Variants in FER1L5 observed in about 807,000 individuals in gnomAD.
FER1L5 encodes the protein fer-1-like protein 5.
A neutral mutation model predicts 279.9 loss-of-function variants in FER1L5; 187 were observed. The ratio of observed to expected loss-of-function variants is 0.67; its 90% CI spans 0.59 to 0.75. The LOEUF (loss-of-function observed/expected upper bound fraction) is 0.75. Ranked by LOEUF, FER1L5 falls within the 30% of genes least tolerant of loss-of-function variation. The pLI, the probability that FER1L5 is intolerant of heterozygous loss-of-function variation, is 0.00. For synonymous variants in FER1L5, 921 were observed against 989.7 expected (o/e 0.93, Z 1.30); for missense variants, 2,091 against 2,594.4 (o/e 0.81, Z 4.21).
chr2:96,699,036 T>C lies in FER1L5; in HGVS notation c.4519-9T>C, dbSNP rs76463364. On this transcript the variant is annotated splice_polypyrimidine_tract_variant and intron_variant, in intron 41 of 52. Transcript: ENST00000624922. ...TTCCTATCCTTCCCCCACTTGTATC[T>C]GACCCCAGTGTGACCCTTATGTGAT... 2,435 of 1,604,736 alleles carry C rather than the reference T, an allele frequency of 1.5e-3. 52 individuals carry two copies. The East Asian group carries it at 0.048, about 32-fold the overall frequency.
At chr2:96,654,657 T>C (rs2075521796) in intron 9 of FER1L5, 161 bp downstream of exon 9, 1 of 368,610 alleles carries the variant, frequency 2.7e-6, no homozygotes, top group Non-Finnish European at 4.8e-6. Context: ...CCCAGCACTT[T>C]GGGAGGCCGA....
intron 4 of FER1L5, 96 bp from the exon 5 acceptor site, chr2:96,649,527 G>T: frequency 8.7e-7 from 1 of 1,148,092 alleles, no homozygotes; most frequent in Non-Finnish European, 1.3e-6. Flanking sequence ...CCACCAGGAG[G>T]ACCAGGTGTG....
rs764234083 is a variant in FER1L5 at position 96,646,464 on chromosome 2, G to C, written c.138+11G>C. ...CCCGTGTGGAATGAGGTAGACAACA[G>C]GGCAAGCCCAGAAGAGGAAATAACA... On this transcript the variant is annotated intron_variant, in intron 2 of 52. Transcript: ENST00000624922. 6.4e-7 allele frequency: 1 copy of C among 1,551,704 alleles called. No individual in the cohort carries two copies. The highest frequency in any genetic ancestry group is 1.2e-5 in the South Asian group (1 of 84,056).
At chr2:96,646,642 C>A (rs2075143350) in intron 2 of FER1L5, among the ~76,000 whole-genome samples, 189 bp downstream of exon 2, 1 of 152,146 alleles carries the variant, frequency 6.6e-6, no homozygotes, top group African/African-American at 2.4e-5. Context: ...GCCACACCTG[C>A]CCACGACTGT....
intron 19 of FER1L5, among the ~76,000 whole-genome samples, chr2:96,676,011 T>C (rs1457948090): frequency 6.6e-6 from 1 of 152,332 alleles, no homozygotes; most frequent in East Asian, 1.9e-4. Flanking sequence ...CTCCTCTGTT[T>C]CATTCTACAA....
chr2:96,643,644 C>G, intron 1 of FER1L5, among the ~76,000 whole-genome samples: 1 of 152,070 alleles, frequency 6.6e-6, no homozygotes, highest in East Asian at 1.9e-4. Flanking sequence ...GCCACCGCGC[C>G]CAGCCTACAA....
intron 9 of FER1L5, among the ~76,000 whole-genome samples, chr2:96,657,773 A>C (rs1423509992): frequency 2.0e-5 from 3 of 152,152 alleles, no homozygotes; most frequent in Admixed American, 1.3e-4. Context: ...ATGTTGTTGC[A>C]CTTGTCAGCA....
intron 18 of FER1L5, among the ~76,000 whole-genome samples, chr2:96,671,207 G>A (rs570887163): frequency 1.3e-5 from 2 of 151,792 alleles, no homozygotes; most frequent in African/African-American, 4.8e-5. Context: ...CAATCTAAGG[G>A]ATTTGGGTTT....
At chr2:96,670,095 C>G (rs1274999391) in intron 17 of FER1L5, 24 bp from the exon 18 acceptor site, 2 of 1,551,246 alleles carry the variant, frequency 1.3e-6, no homozygotes, top group South Asian at 2.4e-5. Context: ...CCCCTTTTCT[C>G]CGTTTTCCTC....
At position 96,661,651 on chromosome 2, in the gene FER1L5, C is replaced by T; in HGVS notation, c.895-17C>T. The T allele has an allele frequency of 3.2e-6, 5 of 1,551,614 alleles. No homozygotes were observed. The highest frequency in any genetic ancestry group is 4.4e-6 in the Non-Finnish European group (5 of 1,146,928). ...CTCCCCATTACCTTGACTATATCAGCTCTCTGGTCTCTCCAGATAGATCAA... is the reference window on the plus strand; with the variant it reads ...CTCCCCATTACCTTGACTATATCAGTTCTCTGGTCTCTCCAGATAGATCAA... On this transcript the variant is annotated splice_polypyrimidine_tract_variant and intron_variant, in intron 11 of 52. Transcript: ENST00000624922.
intron 1 of FER1L5, among the ~76,000 whole-genome samples, chr2:96,645,996 C>CTT (rs34639745): frequency 4.7e-4 from 34 of 72,682 alleles, no homozygotes; most frequent in Admixed American, 1.0e-3. Flanking sequence ...TTGAAGTTTT[C>CTT]TTTTTTTTTT....
chr2:96,647,914 AG>A (rs1412676156), intron 4 of FER1L5, 28 bp downstream of exon 4: 17 of 1,525,384 alleles, frequency 1.1e-5, no homozygotes, highest in Non-Finnish European at 1.5e-5. Context: ...AGGCCCAGGC[AG>A]GGTGGCTGGA....
chr2:96,648,243 T>C (rs1164839647), intron 4 of FER1L5, among the ~76,000 whole-genome samples: 1 of 152,198 alleles, frequency 6.6e-6, no homozygotes, highest in Admixed American at 6.5e-5. Context: ...GAACAATTTG[T>C]CTCAGGAGGT....
rs1309368222 is a variant in FER1L5 at position 96,661,658 on chromosome 2, G to A, written c.895-10G>A. On this transcript the variant is annotated splice_polypyrimidine_tract_variant and intron_variant, in intron 11 of 52. Coordinates refer to ENST00000624922, the MANE Select transcript of FER1L5 (RefSeq NM_001293083.2). The stretch of plus-strand genomic sequence containing the variant: ...TTACCTTGACTATATCAGCTCTCTG[G>A]TCTCTCCAGATAGATCAAAAGCTGC... The A allele has an allele frequency of 6.4e-7, 1 of 1,551,656 alleles. No homozygotes were observed. Among genetic ancestry groups the A allele is most frequent in the East Asian group, 2.4e-5 (1 of 40,920 alleles).
chr2:96,667,066 C>G lies in FER1L5; in HGVS notation c.1141-1685C>G, dbSNP rs1032773056. 5.9e-5 allele frequency among the ~76,000 whole-genome samples: 9 copies of G among 152,278 alleles called. No homozygotes were observed. In the South Asian group the frequency reaches 1.5e-3, roughly 25 times the overall value. On this transcript the variant is annotated intron_variant, in intron 14 of 52. Transcript: ENST00000624922. ...CCACCCCTTACTATGTGACCTTGAG[C>G]AAGTCCCTCTGCCTCTCTAGGCCTG...
At chr2:96,644,875 G>T (rs2075051194) in intron 1 of FER1L5, among the ~76,000 whole-genome samples, 1 of 152,142 alleles carries the variant, frequency 6.6e-6, no homozygotes. Context: ...CCAGGCAAGG[G>T]CCTGGCAGTT....
At chr2:96,651,757 T>C in intron 6 of FER1L5, 135 bp from the exon 7 acceptor site, 6 of 1,275,566 alleles carry the variant, frequency 4.7e-6, no homozygotes, top group African/African-American at 1.5e-5. Flanking sequence ...TTCTCCCACC[T>C]CGGCCTCCCA....
Position 96,697,637 on chromosome 2 carries a change from AGAATGATCCTCTTC to A in FER1L5, c.4135-22_4135-9del. 1 of 1,613,970 alleles carries A rather than the reference AGAATGATCCTCTTC, an allele frequency of 6.2e-7. No homozygotes were observed. The highest frequency in any genetic ancestry group is 8.5e-7 in the Non-Finnish European group (1 of 1,179,852). The stretch of plus-strand genomic sequence containing the variant: ...TGGGGGGCTGCCCCTGCCCGAGGCC[AGAATGATCCTCTTC>A]TCTGCCAGGATGAGTATGAGCATGA... On this transcript the variant is annotated splice_polypyrimidine_tract_variant and intron_variant, in intron 38 of 52. Coordinates refer to ENST00000624922, the MANE Select transcript of FER1L5 (RefSeq NM_001293083.2).
At chr2:96,681,589 G>A (rs1033991072) in intron 19 of FER1L5, among the ~76,000 whole-genome samples, 1 of 151,742 alleles carries the variant, frequency 6.6e-6, no homozygotes, top group South Asian at 2.1e-4. Context: ...ATATGGTTTT[G>A]ATATGATATA....
Sources: allele counts gnomAD v4.1 joint callset (sites outside exome capture counted in the v4.1 genomes callset), GRCh38; gene constraint gnomAD v4.1.1; transcripts MANE v1.5; gene names NCBI Gene and HGNC (gene_info 2026-07-23, HGNC 2026-07-21).